Variants in LRRTM4 observed in about 807,000 individuals in gnomAD.
LRRTM4 encodes leucine-rich repeat transmembrane neuronal protein 4.
In LRRTM4, 25 loss-of-function variants were observed where a neutral mutation model predicts 47.6. The observed-to-expected ratio is 0.53, with a 90% CI of 0.38 to 0.73. LRRTM4 has a LOEUF of 0.73. LRRTM4 is among the 30% of genes least tolerant of loss of function. The probability of loss-of-function intolerance (pLI) is 0.00; values close to 1 mark genes in which losing one functional copy is unlikely to be tolerated. For synonymous variants in LRRTM4, 311 were observed against 269.5 expected (o/e 1.15, Z -1.51); for missense variants, 638 against 713.4 (o/e 0.89, Z 1.20).
chr2:77,055,931 A>G (rs1418763794), intron 3 of LRRTM4, among the ~76,000 whole-genome samples: 17 of 150,836 alleles, frequency 1.1e-4, no homozygotes, highest in Non-Finnish European at 1.2e-4. Flanking sequence ...TCAGTAAACT[A>G]TTGCAAGAAC....
rs372237725 is a variant in LRRTM4 at position 76,762,701 on chromosome 2, TGAATTGCTAGCACTTTG to T, written c.1552-13802_1552-13786del. Among the ~76,000 whole-genome samples the T allele has an allele frequency of 1.1e-4, 16 of 152,322 alleles. No homozygotes were observed. The East Asian group carries it at 3.1e-3, about 29-fold the overall frequency. On this transcript the variant is annotated intron_variant, in intron 3 of 3. Coordinates refer to ENST00000409884, the MANE Select transcript of LRRTM4 (RefSeq NM_001134745.3). ...TAGGACAGGTGTGGTGACTCATGCCTGAATTGCTAGCACTTTGGAAGGCCTAGGTGGGAGGATTGCTT... is the reference window on the plus strand; with the variant it reads ...TAGGACAGGTGTGGTGACTCATGCCTGAAGGCCTAGGTGGGAGGATTGCTT...
At chr2:77,211,390 G>A (rs1048040094) in intron 3 of LRRTM4, among the ~76,000 whole-genome samples, 40 of 152,132 alleles carry the variant, frequency 2.6e-4, no homozygotes, top group African/African-American at 8.9e-4. Context: ...GCCTCCTGCT[G>A]GTGCTTACAT....
rs542737926 is a variant in LRRTM4, at chr2:77,382,098, C to G, written c.1551+136220G>C. Among the ~76,000 whole-genome samples, 8 of 151,966 alleles carry G rather than the reference C, an allele frequency of 5.3e-5. No homozygotes were observed. The South Asian group carries it at 1.7e-3, about 32-fold the overall frequency. On this transcript the variant is annotated intron_variant, in intron 3 of 3. Transcript: ENST00000409884. ...CATTCTCCTAAAATTTTGTTCTTGT[C>G]TTCTAAACTATGGTCAAGGCTCAAG...
chr2:77,338,434 A>T (rs1309050862), intron 3 of LRRTM4, among the ~76,000 whole-genome samples: 2 of 152,042 alleles, frequency 1.3e-5, no homozygotes, highest in Non-Finnish European at 2.9e-5. Flanking sequence ...CAAAGAAGAT[A>T]AACAGACACT....
At position 77,473,515 on chromosome 2, in the gene LRRTM4, C is replaced by T. The variant is rs937132155; in HGVS notation, c.1551+44803G>A. 2.2e-4 allele frequency among the ~76,000 whole-genome samples: 34 copies of T among 152,078 alleles called. 1 individual carries two copies. Among genetic ancestry groups the T allele is most frequent in the Admixed American group, 1.2e-3 (18 of 15,256 alleles). Reference sequence around the variant, plus strand: ...TTTTTTCCCCCTTTCTAGAAATGAGCGGGGCTGGTGCACAAGTAAAATCAA... The same window carrying T: ...TTTTTTCCCCCTTTCTAGAAATGAGTGGGGCTGGTGCACAAGTAAAATCAA... On this transcript the variant is annotated intron_variant, in intron 3 of 3. Coordinates refer to ENST00000409884, the MANE Select transcript of LRRTM4 (RefSeq NM_001134745.3).
intron 3 of LRRTM4, among the ~76,000 whole-genome samples, chr2:77,487,699 T>C (rs1677972840): frequency 6.6e-6 from 1 of 152,106 alleles, no homozygotes; most frequent in Non-Finnish European, 1.5e-5. Flanking sequence ...ACCAAAGGCC[T>C]GAAGTCTGGG....
intron 3 of LRRTM4, among the ~76,000 whole-genome samples, chr2:77,057,888 A>C (rs2103791317): frequency 6.6e-6 from 1 of 152,314 alleles, no homozygotes; most frequent in East Asian, 1.9e-4. Context: ...CATGAAACTT[A>C]GAGGTGAGAA....
chr2:77,235,214 T>C (rs555320513), intron 3 of LRRTM4, among the ~76,000 whole-genome samples: 19 of 152,080 alleles, frequency 1.2e-4, no homozygotes, highest in African/African-American at 4.6e-4. Context: ...ATCTGTTGGT[T>C]TTTTACTATA....
intron 3 of LRRTM4, among the ~76,000 whole-genome samples, chr2:77,511,462 T>A (rs1351440707): frequency 1.3e-5 from 2 of 151,970 alleles, no homozygotes; most frequent in Non-Finnish European, 2.9e-5. Context: ...TAGTATATTT[T>A]ATTTCCATGT....
chr2:77,513,906 AG>A (rs1408647762), intron 3 of LRRTM4, among the ~76,000 whole-genome samples: 3 of 152,094 alleles, frequency 2.0e-5, no homozygotes, highest in Admixed American at 6.6e-5. Context: ...ATTTACCTTA[AG>A]GGCCATATTC....
At chr2:76,836,118 T>C (rs1175803378) in intron 3 of LRRTM4, among the ~76,000 whole-genome samples, 3 of 151,026 alleles carry the variant, frequency 2.0e-5, no homozygotes, top group African/African-American at 7.3e-5. Context: ...TAAGGTGTAT[T>C]TGAAGACAGT....
intron 3 of LRRTM4, among the ~76,000 whole-genome samples, chr2:77,029,053 ATAT>A (rs1678555112): frequency 7.3e-6 from 1 of 137,262 alleles, no homozygotes; most frequent in Non-Finnish European, 1.5e-5. Flanking sequence ...ACACACACAA[ATAT>A]ATATATATAT....
chr2:77,339,360 G>A (rs1236828608), intron 3 of LRRTM4, among the ~76,000 whole-genome samples: 1 of 151,756 alleles, frequency 6.6e-6, no homozygotes. Flanking sequence ...TAATTTATAG[G>A]CAATTATGTT....
intron 3 of LRRTM4, among the ~76,000 whole-genome samples, chr2:76,938,197 A>G (rs750320893): frequency 2.0e-5 from 3 of 152,008 alleles, no homozygotes; most frequent in Non-Finnish European, 4.4e-5. Context: ...TCTGTTCTCA[A>G]TCCATCTACT....
At chr2:76,818,986 ATAAT>A (rs1306014682) in intron 3 of LRRTM4, among the ~76,000 whole-genome samples, 1 of 151,804 alleles carries the variant, frequency 6.6e-6, no homozygotes, top group African/African-American at 2.4e-5. Flanking sequence ...GTTGTCCTAA[ATAAT>A]TGTCGACATG....
At chr2:76,900,614 T>A (rs960927414) in intron 3 of LRRTM4, among the ~76,000 whole-genome samples, 5 of 152,146 alleles carry the variant, frequency 3.3e-5, no homozygotes, top group Admixed American at 6.6e-5. Context: ...ATAATTCAAT[T>A]GAAACATGAA....
chr2:77,457,684 C>T (rs78179765), intron 3 of LRRTM4, among the ~76,000 whole-genome samples: 5,312 of 152,198 alleles, frequency 0.035, 208 homozygotes, highest in East Asian at 0.14. Context: ...TTTCCTCTTA[C>T]ACCATTCTCC....
chr2:77,009,594 A>C (rs1038032699), intron 3 of LRRTM4: 2 of 152,120 alleles, frequency 1.3e-5, no homozygotes, highest in African/African-American at 4.8e-5. Context: ...ATTTCCATGT[A>C]TGATTCAAAA....
intron 3 of LRRTM4, among the ~76,000 whole-genome samples, chr2:77,263,508 A>G (rs1041194266): frequency 4.6e-5 from 7 of 152,092 alleles, no homozygotes; most frequent in Non-Finnish European, 7.4e-5. Context: ...GGGATCTGAC[A>G]CTATCTCCAG....
Sources: gnomAD v4.1 joint callset for allele counts (sites outside exome capture counted in the v4.1 genomes callset) on GRCh38, gnomAD v4.1.1 for gene constraint, MANE v1.5 for transcripts, NCBI Gene and HGNC (gene_info 2026-07-23, HGNC 2026-07-21) for gene names.